STRADA: variants seen among roughly 807,000 people sequenced by gnomAD.
The protein encoded by STRADA is STE20 related adaptor alpha.
In STRADA, 26 loss-of-function variants were observed where a neutral mutation model predicts 55.0. The observed-to-expected ratio is 0.47, with a 90% CI of 0.35 to 0.66. The LOEUF (loss-of-function observed/expected upper bound fraction) is 0.66. Among genes scored for constraint, STRADA ranks in the 30% least tolerant of loss-of-function variants. The pLI is 0.01. For synonymous variants in STRADA, 197 were observed against 210.9 expected (o/e 0.93, Z 0.57); for missense variants, 443 against 549.7 (o/e 0.81, Z 1.94).
intron 8 of STRADA, among the ~76,000 whole-genome samples, chr17:63,709,999 T>A (rs2036378674): frequency 6.6e-6 from 1 of 150,818 alleles, no homozygotes; most frequent in Admixed American, 6.6e-5. Flanking sequence ...ATCTCCCAAG[T>A]CAGTGGCAAG....
At chr17:63,713,052 G>T (rs2036612345) in intron 6 of STRADA, among the ~76,000 whole-genome samples, 1 of 151,984 alleles carries the variant, frequency 6.6e-6, no homozygotes, top group Admixed American at 6.6e-5. Context: ...CAAACAGGAG[G>T]CTGAGAGCCA....
intron 6 of STRADA, among the ~76,000 whole-genome samples, chr17:63,712,901 T>G (rs534682520): frequency 8.0e-5 from 12 of 149,780 alleles, no homozygotes; most frequent in African/African-American, 3.0e-4. Context: ...CTCGGGAGGC[T>G]AAGGCAGGAG....
intron 8 of STRADA, among the ~76,000 whole-genome samples, chr17:63,708,669 G>A (rs553023331): frequency 3.9e-5 from 6 of 151,948 alleles, no homozygotes; most frequent in African/African-American, 1.2e-4. Flanking sequence ...TGAGTAGCTG[G>A]GATTACAGGC....
intron 2 of STRADA, 106 bp from the exon 3 acceptor site, chr17:63,726,801 C>T: frequency 9.1e-7 from 1 of 1,093,422 alleles, no homozygotes; most frequent in African/African-American, 1.6e-5. Context: ...AAAACAGAAT[C>T]ATGCAGTACA....
intron 8 of STRADA, 94 bp from the exon 9 acceptor site, chr17:63,707,512 T>A (rs2036181701): frequency 1.8e-5 from 21 of 1,180,518 alleles, no homozygotes; most frequent in Non-Finnish European, 2.6e-5. Context: ...AGCTCTCTCC[T>A]GTGTGCGTGT....
At chr17:63,728,440 G>C (rs774381047) in intron 1 of STRADA, 27 bp from the exon 2 acceptor site, 1 of 1,374,896 alleles carries the variant, frequency 7.3e-7, no homozygotes, top group Non-Finnish European at 1.0e-6. Flanking sequence ...AACAGGTTGA[G>C]TTAGCAAAAA....
chr17:63,703,468 G>A lies in STRADA; in HGVS notation c.*131C>T. 1 of 882,090 alleles carries A rather than the reference G, an allele frequency of 1.1e-6. No homozygotes were observed. Among genetic ancestry groups the A allele is most frequent in the Non-Finnish European group, 1.7e-6 (1 of 583,656 alleles). 54.6% of individuals were successfully genotyped at this position (882,090 alleles called of 1,614,324 possible). Reference sequence around the variant, plus strand: ...GATTTTCTTTCCCAATCAGTCAGCAGTCAACTTTCCTGGAAGAATGTCCTT... The same window carrying A: ...GATTTTCTTTCCCAATCAGTCAGCAATCAACTTTCCTGGAAGAATGTCCTT... On this transcript the variant is annotated 3_prime_UTR_variant, in exon 13 of 13. Coordinates refer to ENST00000336174, the MANE Select transcript of STRADA (RefSeq NM_001003787.4).
chr17:63,740,086 CTATATATATA>C (rs771962134), intron 1 of STRADA, among the ~76,000 whole-genome samples: 590 of 41,492 alleles, frequency 0.014, 32 homozygotes, highest in African/African-American at 0.1. Context: ...ACATTTAACA[CTATATATATA>C]TATATATATA....
intron 1 of STRADA, among the ~76,000 whole-genome samples, chr17:63,730,774 T>C (rs2037983907): frequency 6.6e-6 from 1 of 152,096 alleles, no homozygotes; most frequent in Non-Finnish European, 1.5e-5. Flanking sequence ...TTGGCCAGGC[T>C]GGTCTCGAAC....
At chr17:63,741,933 C>CGCGGCTGCGGCAGGCCCTAGCA (rs2038986355), upstream of STRADA, 1 of 152,268 alleles carries the variant, frequency 6.6e-6, no homozygotes, top group Non-Finnish European at 1.5e-5. Context: ...TCCGAGTGGC[C>CGCGGCTGCGGCAGGCCCTAGCA]GCGGCTGCGG....
chr17:63,703,719 T>C lies in STRADA; in HGVS notation c.1176A>G (p.Glu392=). ...TGATGGGGGTGACAGGACGAAGCAA[T>C]TCGGGCAAAGCCTCTGAGGCACGTC... ...IKRRASEALP[E]LLRPVTPITN... is the part of the protein sequence containing the mutation. Residue 392 remains glutamate (E), a synonymous_variant, in exon 13 of 13, where the codon GAA becomes GAG. Coordinates refer to ENST00000336174, the MANE Select transcript of STRADA (RefSeq NM_001003787.4). 6.8e-6 allele frequency: 11 copies of C among 1,614,094 alleles called. No individual in the cohort carries two copies. Among genetic ancestry groups the C allele is most frequent in the Non-Finnish European group, 9.3e-6 (11 of 1,180,000 alleles).
Position 63,706,674 on chromosome 17 carries a change from G to T in STRADA, c.819C>A (p.Ala273=). The part of the protein sequence containing the change: ...YSVGITACEL[A]NGHVPFKDMP... ...TATCCTTAAAGGGGACATGGCCGTT[G>T]GCCAGTTCACAGGCTGTGATTCCCA... The change falls in exon 10 of 13, where the codon GCC becomes GCA. Residue 273 remains alanine (A), a synonymous_variant. Transcript: ENST00000336174. 6.2e-7 allele frequency: 1 copy of T among 1,614,058 alleles called. No individual in the cohort carries two copies. Among genetic ancestry groups the T allele is most frequent in the East Asian group, 2.2e-5 (1 of 44,876 alleles).
chr17:63,722,689 A>G (rs2144080288), intron 4 of STRADA, among the ~76,000 whole-genome samples: 1 of 152,352 alleles, frequency 6.6e-6, no homozygotes, highest in East Asian at 1.9e-4. Flanking sequence ...CTTATAAGAC[A>G]CTGATTCATA....
At chr17:63,707,816 C>T (rs371637907) in intron 8 of STRADA, among the ~76,000 whole-genome samples, 31 of 151,472 alleles carry the variant, frequency 2.0e-4, no homozygotes, top group East Asian at 7.9e-4. Flanking sequence ...CTGCAAGCTC[C>T]GCCTCCCGGG....
chr17:63,713,488 C>G lies in STRADA; in HGVS notation c.266G>C (p.Arg89Thr). 6.2e-7 allele frequency: 1 copy of G among 1,614,108 alleles called. No individual in the cohort carries two copies. The highest frequency in any genetic ancestry group is 8.5e-7 in the Non-Finnish European group (1 of 1,180,030). The change falls in exon 6 of 13, where the codon AGG becomes ACG. Residue 89 changes from arginine to threonine, a missense_variant. Coordinates refer to ENST00000336174, the MANE Select transcript of STRADA (RefSeq NM_001003787.4). ...FEDLMTVNLA[R>T]YKPTGEYVTV... Reference sequence around the variant, plus strand: ...CACGTACTCTCCTGTTGGTTTGTACCTTGCTAGATTCACAGTCATCAGGTC... The same window carrying G: ...CACGTACTCTCCTGTTGGTTTGTACGTTGCTAGATTCACAGTCATCAGGTC...
intron 3 of STRADA, chr17:63,726,296 A>G (rs572259535): frequency 4.8e-6 from 1 of 206,580 alleles, no homozygotes; most frequent in East Asian, 1.1e-4. Flanking sequence ...GAACTTTCAT[A>G]TCATTGCTTC....
chr17:63,705,906 G>A lies in STRADA; in HGVS notation c.858+729C>T, dbSNP rs534913570. On this transcript the variant is annotated intron_variant, in intron 10 of 12. Coordinates refer to ENST00000336174, the MANE Select transcript of STRADA (RefSeq NM_001003787.4). ...ACTTCCCTGGGCCCCTGCTCTGGGG[G>A]GCTGCACTCTGGCCACCCTCCAGCT... The A allele has an allele frequency of 2.6e-5, 4 of 152,276 alleles. No homozygotes were observed. In the East Asian group the frequency reaches 7.7e-4, roughly 29 times the overall value. The allele number at this position is 152,276 out of a possible 1,614,324, so 9.4% of individuals were successfully genotyped here.
chr17:63,727,192 A>G (rs1220089028), intron 2 of STRADA: 1 of 157,742 alleles, frequency 6.3e-6, no homozygotes, highest in Non-Finnish European at 1.4e-5. Flanking sequence ...TGCCAAGTTC[A>G]CAAGGGCCAA....
intron 1 of STRADA, chr17:63,741,216 C>G (rs1393264988): frequency 6.6e-6 from 1 of 152,220 alleles, no homozygotes; most frequent in Non-Finnish European, 1.5e-5. Flanking sequence ...CCCCCATCTC[C>G]GGCGCCCAAA....
Sources: allele counts gnomAD v4.1 joint callset (sites outside exome capture counted in the v4.1 genomes callset), GRCh38; gene constraint gnomAD v4.1.1; transcripts MANE v1.5; gene names NCBI Gene and HGNC (gene_info 2026-07-23, HGNC 2026-07-21).